Variants in TRPC5 observed in about 807,000 individuals in gnomAD.
TRPC5 encodes transient receptor potential cation channel subfamily C member 5, also known as short transient receptor potential channel 5.
A neutral mutation model predicts 56.5 loss-of-function variants in TRPC5; 9 were observed. The observed-to-expected ratio is 0.16, with a 90% CI of 0.10 to 0.28. The LOEUF (loss-of-function observed/expected upper bound fraction) is 0.28. Among genes scored for constraint, TRPC5 ranks in the 10% least tolerant of loss-of-function variants. The pLI, the probability that TRPC5 is intolerant of heterozygous loss-of-function variation, is 1.00. For missense variants in TRPC5, 469 were observed against 748.9 expected (o/e 0.63, Z 4.36); for synonymous variants, 282 against 278.5 (o/e 1.01, Z -0.13).
At chrX:112,056,230 G>A (rs1395582136) in intron 1 of TRPC5, among the ~76,000 whole-genome samples, 1 of 111,719 alleles carries the variant, frequency 9.0e-6, no homozygotes, top group Non-Finnish European at 1.9e-5. Context: ...TGCAGTGCGT[G>A]GCCTGCACAA....
Position 111,952,259 on chromosome X carries a change from C to T in TRPC5, c.162G>A (p.Glu54=). 8.3e-7 allele frequency: 1 copy of T among 1,212,055 alleles called. No individual in the cohort carries two copies. The highest frequency in any genetic ancestry group is 1.1e-6 in the Non-Finnish European group (1 of 895,589). Residue 54 remains glutamate (E), a synonymous_variant, in exon 2 of 11, where the codon GAG becomes GAA. Coordinates refer to ENST00000262839, the MANE Select transcript of TRPC5 (RefSeq NM_012471.3). ...TGTTAACATTATAGTAGATCTCAGCCTCCTGAAGGGCCTGCTTCACAGTGG... is the reference window on the plus strand; with the variant it reads ...TGTTAACATTATAGTAGATCTCAGCTTCCTGAAGGGCCTGCTTCACAGTGG... The part of the protein sequence containing the change: ...DYATVKQALQ[E]AEIYYNVNIN...
chrX:111,794,188 G>T (rs749256926), intron 7 of TRPC5, among the ~76,000 whole-genome samples: 154 of 111,887 alleles, frequency 1.4e-3, no homozygotes, highest in African/African-American at 4.6e-3. Flanking sequence ...AAATTTTATT[G>T]TATGTGAATT....
chrX:111,967,512 G>A lies in TRPC5; in HGVS notation c.-21-15071C>T, dbSNP rs143280239. Among the ~76,000 whole-genome samples the A allele has an allele frequency of 9.3e-4, 104 of 111,777 alleles. 1 individual carries two copies. The highest frequency in any genetic ancestry group is 4.6e-3 in the Middle Eastern group (1 of 216). On this transcript the variant is annotated intron_variant, in intron 1 of 10. Coordinates refer to ENST00000262839, the MANE Select transcript of TRPC5 (RefSeq NM_012471.3). ...GTTCATAGCGACCAAAAAAGAGCCCGCATGGCCAAGTCAATCCTAAGCCAA... is the reference window on the plus strand; with the variant it reads ...GTTCATAGCGACCAAAAAAGAGCCCACATGGCCAAGTCAATCCTAAGCCAA...
intron 1 of TRPC5, among the ~76,000 whole-genome samples, chrX:111,957,447 A>G (rs1927265357): frequency 1.8e-5 from 2 of 112,285 alleles, no homozygotes; most frequent in Non-Finnish European, 3.8e-5. Flanking sequence ...AATGTTTTGT[A>G]TACATTATTT....
chrX:111,940,264 G>C (rs1453713364), intron 2 of TRPC5, among the ~76,000 whole-genome samples: 1 of 111,635 alleles, frequency 9.0e-6, no homozygotes, highest in Admixed American at 9.5e-5. Flanking sequence ...ATTGTGGTTC[G>C]AGAAGATGCG....
chrX:112,041,696 T>G (rs1251354993), intron 1 of TRPC5, among the ~76,000 whole-genome samples: 10 of 112,047 alleles, frequency 8.9e-5, no homozygotes, highest in African/African-American at 3.2e-4. Flanking sequence ...TTTTTAATTT[T>G]TCATTTGCAA....
At chrX:111,806,364 C>T (rs990995413) in intron 7 of TRPC5, among the ~76,000 whole-genome samples, 5 of 112,218 alleles carry the variant, frequency 4.5e-5, no homozygotes, top group Admixed American at 2.8e-4. Flanking sequence ...CATCTGAAGA[C>T]TCAACCAAGG....
At chrX:111,981,807 T>C (rs1569529044) in intron 1 of TRPC5, among the ~76,000 whole-genome samples, 1 of 111,984 alleles carries the variant, frequency 8.9e-6, no homozygotes, top group Non-Finnish European at 1.9e-5. Context: ...AAAAAGGAAA[T>C]AATACAAAGA....
At chrX:111,808,993 C>G (rs1443235883) in intron 7 of TRPC5, among the ~76,000 whole-genome samples, 1 of 109,839 alleles carries the variant, frequency 9.1e-6, no homozygotes. Context: ...GCCCAGTGCC[C>G]TATCCTACTG....
intron 3 of TRPC5, among the ~76,000 whole-genome samples, chrX:111,874,395 G>A (rs1342456858): frequency 2.7e-5 from 3 of 112,307 alleles, no homozygotes; most frequent in South Asian, 3.7e-4. Flanking sequence ...CTGGAATCCC[G>A]AGAGAGTAAT....
intron 1 of TRPC5, among the ~76,000 whole-genome samples, chrX:112,014,352 G>C (rs952911783): frequency 2.7e-5 from 3 of 112,393 alleles, no homozygotes; most frequent in Non-Finnish European, 5.6e-5. Flanking sequence ...CCTTTTCATA[G>C]TATTCTAGAA....
intron 1 of TRPC5, among the ~76,000 whole-genome samples, chrX:112,080,385 A>C (rs1051190898): frequency 1.0e-4 from 10 of 97,712 alleles, no homozygotes; most frequent in African/African-American, 4.1e-4. Context: ...GAGGTCCTTG[A>C]AAAACTACAT....
In TRPC5 at chrX:111,944,299, T is replaced by TGC. The variant is rs1467346328; in HGVS notation, c.378+7743_378+7744insGC. Among the ~76,000 whole-genome samples the TGC allele has an allele frequency of 3.4e-3, 301 of 89,079 alleles. 2 individuals are homozygous for TGC. Among genetic ancestry groups the TGC allele is most frequent in the Non-Finnish European group, 5.2e-3 (243 of 46,993 alleles). The allele number at this position is 89,079 out of a possible 115,157, so 77.4% of individuals were successfully genotyped here. ...GTGTGTGTGTGTGTGTGTGTGTGTGTGTGTGAGAGAGAGAGAGAGAGAGAG... is the reference window on the plus strand; with the variant it reads ...GTGTGTGTGTGTGTGTGTGTGTGTGTGCGTGTGAGAGAGAGAGAGAGAGAGAG... On this transcript the variant is annotated intron_variant, in intron 2 of 10. Coordinates refer to ENST00000262839, the MANE Select transcript of TRPC5 (RefSeq NM_012471.3).
In TRPC5 at chrX:112,042,183, T is replaced by G. The variant is rs139025483; in HGVS notation, c.-22+39696A>C. ...ACAAGTACATATCTTATATGAAAAT[T>G]GTCTTTTGCAAGGACTTTGGTATAA... On this transcript the variant is annotated intron_variant, in intron 1 of 10. Transcript: ENST00000262839. Among the ~76,000 whole-genome samples the G allele has an allele frequency of 6.3e-3, 704 of 111,597 alleles. 4 individuals are homozygous for G. The highest frequency in any genetic ancestry group is 0.022 in the African/African-American group (679 of 30,729).
At chrX:111,997,000 T>A (rs147365813) in intron 1 of TRPC5, among the ~76,000 whole-genome samples, 4,322 of 111,274 alleles carry the variant, frequency 0.039, 212 homozygotes, top group African/African-American at 0.13. Context: ...CCATTTACAT[T>A]TAAGGTTAAT....
At chrX:111,933,085 T>C (rs948382375) in intron 2 of TRPC5, among the ~76,000 whole-genome samples, 2 of 112,513 alleles carry the variant, frequency 1.8e-5, no homozygotes, top group African/African-American at 6.5e-5. Flanking sequence ...TGGCCTCTTA[T>C]ATTGTCTACT....
chrX:111,971,163 C>T (rs1404258093), intron 1 of TRPC5, among the ~76,000 whole-genome samples: 1 of 111,334 alleles, frequency 9.0e-6, no homozygotes, highest in Admixed American at 9.6e-5. Flanking sequence ...TCAGCCCTAA[C>T]ATCAATTATT....
Position 111,768,355 on chromosome X carries a change from A to G in TRPC5, c.*7958T>C, listed in dbSNP as rs1448061330. On this transcript the variant is annotated 3_prime_UTR_variant, in exon 11 of 11. Transcript: ENST00000262839. Reference sequence around the variant, plus strand: ...GAATTACACATAGCTCGTATTCTCTAGTATTCTCCTTCCTGCTACCAAATG... The same window carrying G: ...GAATTACACATAGCTCGTATTCTCTGGTATTCTCCTTCCTGCTACCAAATG... Among the ~76,000 whole-genome samples, 6 of 112,141 alleles carry G rather than the reference A, an allele frequency of 5.4e-5. No homozygotes were observed. The highest frequency in any genetic ancestry group is 1.9e-4 in the African/African-American group (6 of 30,870).
At chrX:111,791,895 G>C (rs1440378682) in intron 7 of TRPC5, among the ~76,000 whole-genome samples, 2 of 112,441 alleles carry the variant, frequency 1.8e-5, no homozygotes, top group Non-Finnish European at 3.8e-5. Context: ...GGAAGACAGT[G>C]TGGTGATTTC....
Sources: allele counts gnomAD v4.1 joint callset (sites outside exome capture counted in the v4.1 genomes callset), GRCh38; gene constraint gnomAD v4.1.1; transcripts MANE v1.5; gene names NCBI Gene and HGNC (gene_info 2026-07-23, HGNC 2026-07-21).